Variants in LOC400499 observed in about 807,000 individuals in gnomAD.
At chr16:11,404,133 C>A in the LOC400499 span, among the ~76,000 whole-genome samples, 6 of 152,236 alleles carry the variant, frequency 3.9e-5, no homozygotes, top group African/African-American at 1.4e-4. Flanking sequence ...CTCCAAGAGG[C>A]CTTCCCAGAC....
At chr16:11,489,160 C>A in the LOC400499 span, among the ~76,000 whole-genome samples, 1 of 152,214 alleles carries the variant, frequency 6.6e-6, no homozygotes, top group Non-Finnish European at 1.5e-5. Flanking sequence ...AATCCAGTCC[C>A]AAAGCTCAAA....
the LOC400499 span, chr16:11,472,365 G>C: frequency 5.3e-5 from 8 of 152,080 alleles, no homozygotes; most frequent in African/African-American, 1.9e-4. Context: ...GCTAATTTTT[G>C]TATTTTTAGT....
the LOC400499 span, chr16:11,387,023 G>A: frequency 9.4e-7 from 1 of 1,060,120 alleles, no homozygotes; most frequent in East Asian, 3.2e-5. Context: ...CTGGCACTGT[G>A]ATGCTACTAG....
the LOC400499 span, among the ~76,000 whole-genome samples, chr16:11,382,528 C>G: frequency 2.0e-5 from 3 of 152,150 alleles, no homozygotes; most frequent in Admixed American, 6.5e-5. Context: ...AGAGGGACAG[C>G]CTGGTAGTGG....
the LOC400499 span, among the ~76,000 whole-genome samples, chr16:11,447,120 T>C: frequency 6.6e-6 from 1 of 151,892 alleles, no homozygotes; most frequent in Non-Finnish European, 1.5e-5. Context: ...GCCAGAGAAG[T>C]GGGCATGGCT....
the LOC400499 span, among the ~76,000 whole-genome samples, chr16:11,483,444 C>G: frequency 6.6e-6 from 1 of 152,078 alleles, no homozygotes; most frequent in Non-Finnish European, 1.5e-5. Context: ...TGTGGTATAT[C>G]TATACAATGG....
the LOC400499 span, chr16:11,393,294 C>G: frequency 9.5e-7 from 1 of 1,052,858 alleles, no homozygotes. Flanking sequence ...GCACCCAGCC[C>G]CGACTTCTGA....
chr16:11,411,431 G>A, the LOC400499 span: 2 of 397,990 alleles, frequency 5.0e-6, no homozygotes, highest in Non-Finnish European at 8.8e-6. Flanking sequence ...GAGAGAGTCA[G>A]AGAGCCAGGA....
At chr16:11,383,980 T>C in the LOC400499 span, 1 of 1,231,766 alleles carries the variant, frequency 8.1e-7, no homozygotes, top group Non-Finnish European at 1.0e-6. Flanking sequence ...CTGCTGAGGC[T>C]TCTCAGTGGC....
the LOC400499 span, among the ~76,000 whole-genome samples, chr16:11,418,576 A>C: frequency 6.6e-6 from 1 of 152,312 alleles, no homozygotes; most frequent in East Asian, 1.9e-4. Context: ...TGTTTAGCAT[A>C]TCATCAAGAA....
At chr16:11,457,388 TC>T in the LOC400499 span, among the ~76,000 whole-genome samples, 1 of 151,090 alleles carries the variant, frequency 6.6e-6, no homozygotes, top group African/African-American at 2.4e-5. Flanking sequence ...GGTCAGGAGA[TC>T]AAGACCATCC....
chr16:11,406,567 G>C, the LOC400499 span, among the ~76,000 whole-genome samples: 2 of 152,300 alleles, frequency 1.3e-5, no homozygotes, highest in South Asian at 4.1e-4. Context: ...AAAGTAGCTG[G>C]GATTATAGGC....
the LOC400499 span, among the ~76,000 whole-genome samples, chr16:11,450,121 A>ACATC: frequency 6.6e-6 from 1 of 152,120 alleles, no homozygotes; most frequent in Admixed American, 6.5e-5. Flanking sequence ...GACCTTCCCC[A>ACATC]CATCCACGCA....
the LOC400499 span, chr16:11,523,377 G>A: frequency 3.0e-5 from 12 of 398,528 alleles, no homozygotes; most frequent in East Asian, 3.6e-4. Context: ...TCAGGCTCCT[G>A]GTCACCAGAG....
the LOC400499 span, among the ~76,000 whole-genome samples, chr16:11,520,052 G>A: frequency 6.6e-6 from 1 of 152,238 alleles, no homozygotes; most frequent in South Asian, 2.1e-4. Context: ...AGTTCATAGA[G>A]ACAGAAAGCA....
the LOC400499 span, chr16:11,391,750 G>A: frequency 9.7e-6 from 12 of 1,232,062 alleles, no homozygotes; most frequent in African/African-American, 1.4e-4. Context: ...GCCTGGCTCC[G>A]GGCCCACAAA....
chr16:11,394,880 C>T, the LOC400499 span, among the ~76,000 whole-genome samples: 1 of 152,192 alleles, frequency 6.6e-6, no homozygotes, highest in Admixed American at 6.5e-5. Flanking sequence ...GGACTTCTGG[C>T]CTCTAGAACT....
the LOC400499 span, among the ~76,000 whole-genome samples, chr16:11,490,901 C>G: frequency 7.2e-5 from 11 of 152,264 alleles, no homozygotes; most frequent in African/African-American, 2.6e-4. Flanking sequence ...ACTAATTTTC[C>G]ATTTGTCCCT....
chr16:11,400,468 G>A, the LOC400499 span, among the ~76,000 whole-genome samples: 39 of 115,534 alleles, frequency 3.4e-4, no homozygotes, highest in Non-Finnish European at 4.0e-4. Flanking sequence ...TTCTGAGACT[G>A]TCTCACTCTG....
Sources: allele counts gnomAD v4.1 joint callset (sites outside exome capture counted in the v4.1 genomes callset), GRCh38; gene constraint gnomAD v4.1.1; transcripts MANE v1.5.